CNTNAP1: variants seen among roughly 807,000 people sequenced by gnomAD.
CNTNAP1 encodes contactin associated protein 1.
In CNTNAP1, 80 loss-of-function variants were observed where a neutral mutation model predicts 161.5. The observed-to-expected ratio is 0.50, with a 90% confidence interval of 0.41 to 0.60. The LOEUF (loss-of-function observed/expected upper bound fraction) is 0.60. Among genes scored for constraint, CNTNAP1 ranks in the 20% least tolerant of loss-of-function variants. The probability of loss-of-function intolerance (pLI) is 0.00; values close to 1 mark genes in which losing one functional copy is unlikely to be tolerated. For missense variants in CNTNAP1, 1,464 were observed against 1,854.8 expected, an observed-to-expected ratio of 0.79 and a Z score of 3.87; for synonymous variants, 695 against 733.1, an observed-to-expected ratio of 0.95 and a Z score of 0.84.
chr17:42,699,035 T>G lies in CNTNAP1; in HGVS notation c.*125T>G. 3.6e-5 allele frequency: 22 copies of G among 615,564 alleles called. No individual in the cohort carries two copies. Among genetic ancestry groups the G allele is most frequent in the South Asian group, 6.9e-5 (2 of 28,876 alleles). 38.1% of individuals were successfully genotyped at this position (615,564 alleles called of 1,614,324 possible). On this transcript the variant is annotated 3_prime_UTR_variant, in exon 24 of 24. Transcript: ENST00000264638. ...TGCTCATCCAGAGGATATTCCCCCA[T>G]CCCCCCCCCATCAAGTTTGGTGGGC...
intron 17 of CNTNAP1, 50 bp downstream of exon 17, chr17:42,692,770 C>T: frequency 5.9e-6 from 9 of 1,516,602 alleles, no homozygotes; most frequent in East Asian, 2.3e-5. Flanking sequence ...CCTCCCCATC[C>T]TCCAAGGCCA....
In CNTNAP1 at chr17:42,685,895, G is replaced by T; in HGVS notation, c.716-62G>T. ...TGTTACACGCTGCTGCTCTGCCTAGGAGCTTGGACTCCATGGAGTTCTCCT... is the reference window on the plus strand; with the variant it reads ...TGTTACACGCTGCTGCTCTGCCTAGTAGCTTGGACTCCATGGAGTTCTCCT... On this transcript the variant is annotated intron_variant, in intron 5 of 23. Coordinates refer to ENST00000264638, the MANE Select transcript of CNTNAP1 (RefSeq NM_003632.3). This position sits in a 1 kb window ranked among gnomAD's most constrained non-coding sequence, Gnocchi z 5.0. 1 of 1,570,418 alleles carries T rather than the reference G, an allele frequency of 6.4e-7. No homozygotes were observed. Among genetic ancestry groups the T allele is most frequent in the South Asian group, 1.1e-5 (1 of 88,764 alleles).
Position 42,682,766 on chromosome 17 carries a change from C to T in CNTNAP1, c.-64C>T. 6.6e-7 allele frequency: 1 copy of T among 1,511,388 alleles called. No individual in the cohort carries two copies. 93.6% of individuals were successfully genotyped at this position (1,511,388 alleles called of 1,614,324 possible). On this transcript the variant is annotated 5_prime_UTR_variant, in exon 1 of 24. Coordinates refer to ENST00000264638, the MANE Select transcript of CNTNAP1 (RefSeq NM_003632.3). ...CCAGGAGGAGAGCTTGGAGCCCAAG[C>T]CAGAACTCGAGCCCTAGCCGGAGCC... is the stretch of plus-strand genomic sequence containing the variant.
Position 42,698,611 on chromosome 17 carries a change from T to C in CNTNAP1, c.3863-7T>C, listed in dbSNP as rs2143683096. On this transcript the variant is annotated splice_region_variant and splice_polypyrimidine_tract_variant and intron_variant, in intron 23 of 23. Transcript: ENST00000264638. ...AAGATCTGAATTGTCCCTTTTCTTC[T>C]TTTCAGTTTTGGTGGCCTTTCTGCT... 6.3e-7 allele frequency: 1 copy of C among 1,588,110 alleles called. No individual in the cohort carries two copies. Among genetic ancestry groups the C allele is most frequent in the Non-Finnish European group, 8.6e-7 (1 of 1,162,732 alleles).
chr17:42,694,792 C>T (rs2053132822), intron 18 of CNTNAP1, among the ~76,000 whole-genome samples: 1 of 152,136 alleles, frequency 6.6e-6, no homozygotes, highest in Non-Finnish European at 1.5e-5. Context: ...ATAGCAAGAT[C>T]CTACACACAT....
intron 16 of CNTNAP1, 81 bp from the exon 17 acceptor site, chr17:42,692,418 G>C: frequency 2.6e-6 from 3 of 1,170,484 alleles, no homozygotes; most frequent in Non-Finnish European, 2.5e-6. Context: ...GTGAGGGAAA[G>C]AGGTTATATT....
At chr17:42,688,124 G>A in intron 8 of CNTNAP1, 143 bp downstream of exon 8, 1 of 1,255,192 alleles carries the variant, frequency 8.0e-7, no homozygotes, top group Non-Finnish European at 1.1e-6. Flanking sequence ...AGGGTACTGG[G>A]AAAAGGTGGG....
chr17:42,686,586 A>G (rs1276983712), intron 6 of CNTNAP1, among the ~76,000 whole-genome samples: 1 of 148,332 alleles, frequency 6.7e-6, no homozygotes, highest in Non-Finnish European at 1.5e-5. Flanking sequence ...GGGACTAGGC[A>G]AGGTAGGAAA....
At chr17:42,689,873 T>C in intron 11 of CNTNAP1, 1 of 586,774 alleles carries the variant, frequency 1.7e-6, no homozygotes, top group Non-Finnish European at 3.0e-6. Flanking sequence ...CCTAAGTAGC[T>C]GGGACTACAG....
At position 42,698,445 on chromosome 17, in the gene CNTNAP1, A is replaced by ATGTGTG. The variant is rs71276881; in HGVS notation, c.3863-142_3863-137dup. 2.9e-3 allele frequency among the ~76,000 whole-genome samples: 401 copies of ATGTGTG among 139,590 alleles called. 1 individual carries two copies. Among genetic ancestry groups the ATGTGTG allele is most frequent in the African/African-American group, 5.7e-3 (215 of 37,808 alleles). The allele number at this position is 139,590 out of a possible 152,430, so 91.6% of individuals were successfully genotyped here. On this transcript the variant is annotated intron_variant, in intron 23 of 23. Coordinates refer to ENST00000264638, the MANE Select transcript of CNTNAP1 (RefSeq NM_003632.3). ...ACATTATGCTTTTGGCCAAAAGTAA[A>ATGTGTG]TGTGTGTGTGTGTGTGTGTGTGTGT...
rs1567972168 is a variant in CNTNAP1, at chr17:42,688,986, G to A, written c.1567G>A (p.Glu523Lys). ...TCAACTGGTCAACCTGACTCTGGTG[G>A]AGGGCCGGCGGCTTGGATTCTATGC... ...DGQLVNLTLV[E>K]GRRLGFYAEV... Residue 523 changes from glutamate to lysine, a missense_variant, in exon 10 of 24, where the codon GAG (glutamate) becomes AAG (lysine). By Grantham distance (56) the Glu-to-Lys change is moderately conservative (BLOSUM62 1). Transcript: ENST00000264638. 6.2e-7 allele frequency: 1 copy of A among 1,612,818 alleles called. No homozygotes were observed. Among genetic ancestry groups the A allele is most frequent in the East Asian group, 2.2e-5 (1 of 44,844 alleles).
chr17:42,693,715 T>C (rs1207501607), intron 18 of CNTNAP1, among the ~76,000 whole-genome samples, 179 bp downstream of exon 18: 1 of 152,076 alleles, frequency 6.6e-6, no homozygotes, highest in Non-Finnish European at 1.5e-5. Flanking sequence ...TCCAAAGGCA[T>C]GGACAAGGAA....
In CNTNAP1 at chr17:42,692,664, G is replaced by A. The variant is rs144243880; in HGVS notation, c.2696G>A (p.Arg899Gln). ...LRVDHRPWVLRPMPLQTYIWM... is the reference protein window; with the variant it reads ...LRVDHRPWVLQPMPLQTYIWM... The stretch of plus-strand genomic sequence containing the variant: ...GTGGATCACCGGCCCTGGGTTCTGC[G>A]GCCTATGCCACTGCAGACCTACATC... The change falls in exon 17 of 24, where the codon CGG (arginine) becomes CAG (glutamine). Residue 899 changes from arginine (R) to glutamine (Q), a missense_variant. Transcript: ENST00000264638. 12 of 1,614,016 alleles carry A rather than the reference G, an allele frequency of 7.4e-6. No individual in the cohort carries two copies. Among genetic ancestry groups the A allele is most frequent in the African/African-American group, 6.7e-5 (5 of 74,930 alleles).
At chr17:42,683,744 C>T in intron 1 of CNTNAP1, 77 bp from the exon 2 acceptor site, 4 of 1,521,696 alleles carry the variant, frequency 2.6e-6, no homozygotes, top group South Asian at 1.2e-5. Flanking sequence ...GGGGAAGCTT[C>T]GGTCGCTAAG....
At chr17:42,695,479 T>C (rs773753228) in intron 18 of CNTNAP1, 42 bp from the exon 19 acceptor site, 1 of 1,455,448 alleles carries the variant, frequency 6.9e-7, no homozygotes, top group African/African-American at 1.5e-5. Context: ...AATTGGGGAG[T>C]GAGCAGTGTG....
chr17:42,694,702 T>C (rs1325887783), intron 18 of CNTNAP1, among the ~76,000 whole-genome samples: 2 of 151,974 alleles, frequency 1.3e-5, no homozygotes, highest in African/African-American at 4.8e-5. Context: ...AACTCCCTTG[T>C]CAATGTATTT....
At position 42,682,855 on chromosome 17, in the gene CNTNAP1, T is replaced by A; in HGVS notation, c.26T>A (p.Ile9Asn). The change falls in exon 1 of 24, where the codon ATC becomes AAC. Residue 9 changes from isoleucine to asparagine, a missense_variant. Around this residue, in one of 3 missense-constraint regions of CNTNAP1, gnomAD observed 77 missense variants for 73.6 expected, o/e 1.05. Coordinates refer to ENST00000264638, the MANE Select transcript of CNTNAP1 (RefSeq NM_003632.3). Reference sequence around the variant, plus strand: ...ATGATGCATCTCCGGCTCTTCTGCATCCTGCTCGCCGCGGTCTCAGGAGCC... The same window carrying A: ...ATGATGCATCTCCGGCTCTTCTGCAACCTGCTCGCCGCGGTCTCAGGAGCC... MMHLRLFC[I>N]LLAAVSGAEG... 6.3e-7 allele frequency: 1 copy of A among 1,596,286 alleles called. No individual in the cohort carries two copies. Among genetic ancestry groups the A allele is most frequent in the Non-Finnish European group, 8.5e-7 (1 of 1,172,566 alleles).
At chr17:42,693,896 GCT>G (rs1395707334) in intron 18 of CNTNAP1, among the ~76,000 whole-genome samples, 2 of 151,696 alleles carry the variant, frequency 1.3e-5, no homozygotes, top group Non-Finnish European at 2.9e-5. Flanking sequence ...ATGGAATCTC[GCT>G]CTGTCACCCA....
In CNTNAP1 at chr17:42,687,848, C is replaced by G. The variant is rs773802956; in HGVS notation, c.1173C>G (p.Thr391=). Residue 391 remains threonine (T), a synonymous_variant, in exon 8 of 24, where the codon ACC becomes ACG. Transcript: ENST00000264638. This position sits in a 1 kb window ranked among gnomAD's most constrained non-coding sequence, Gnocchi z 4.7. The part of the protein sequence containing the change: ...GRLAVSFRFR[T]WDLTGLLLFS... ...TGGCAGTCTCATTTCGCTTCCGCAC[C>G]TGGGACCTCACCGGGCTTCTCCTTT... is the stretch of plus-strand genomic sequence containing the variant. The G allele has an allele frequency of 1.7e-5, 28 of 1,614,158 alleles. 1 individual carries two copies. Among genetic ancestry groups the G allele is most frequent in the Non-Finnish European group, 2.0e-5 (24 of 1,180,062 alleles).
Sources: allele counts gnomAD v4.1 joint callset (sites outside exome capture counted in the v4.1 genomes callset), GRCh38; gene constraint gnomAD v4.1.1; regional missense constraint gnomAD v4.1.1; non-coding constraint Gnocchi (gnomAD v3.1); transcripts MANE v1.5; gene names NCBI Gene and HGNC (gene_info 2026-07-23, HGNC 2026-07-21).